AAGAB: variants seen among roughly 807,000 people sequenced by gnomAD.
The protein encoded by AAGAB is alpha and gamma adaptin binding protein, also known as alpha- and gamma-adaptin-binding protein p34.
AAGAB carries 38 observed loss-of-function variants against 44.1 expected under a neutral mutation model. That is an observed-to-expected ratio of 0.86 (90% CI 0.67 to 1.13). The LOEUF (loss-of-function observed/expected upper bound fraction) is 1.13, where lower values mean the gene tolerates loss of function less well. AAGAB is among the 50% of genes most tolerant of loss of function. The pLI is 0.00. For synonymous variants in AAGAB, 131 were observed against 131.8 expected (o/e 0.99, Z 0.04); for missense variants, 450 against 373.8 (o/e 1.20, Z -1.68).
upstream of AAGAB, chr15:67,255,147 AC>A: frequency 3.3e-6 from 2 of 612,440 alleles, no homozygotes; most frequent in South Asian, 3.9e-5. Context: ...CCTGTAGGTT[AC>A]GCCCCAGAAG....
chr15:67,211,549 G>A (rs1338359540), intron 5 of AAGAB, among the ~76,000 whole-genome samples: 1 of 152,180 alleles, frequency 6.6e-6, no homozygotes, highest in African/African-American at 2.4e-5. Flanking sequence ...GCTGTATGTA[G>A]TTATGTAATA....
chr15:67,253,272 G>C (rs1254320828), intron 1 of AAGAB, among the ~76,000 whole-genome samples: 2 of 146,290 alleles, frequency 1.4e-5, no homozygotes, highest in Non-Finnish European at 3.0e-5. Flanking sequence ...GGGGGGGGGG[G>C]GGGCAATTAG....
chr15:67,221,332 T>G (rs1373877125), intron 5 of AAGAB: 1 of 152,254 alleles, frequency 6.6e-6, no homozygotes, highest in East Asian at 1.9e-4. Flanking sequence ...ATCCTTTCCT[T>G]GTTTAAGTGC....
intron 4 of AAGAB, among the ~76,000 whole-genome samples, chr15:67,235,553 G>A (rs1443149957): frequency 1.3e-5 from 2 of 152,178 alleles, no homozygotes; most frequent in African/African-American, 2.4e-5. Flanking sequence ...GGCTTCAAAT[G>A]TCCAAAAGAC....
chr15:67,215,891 C>A (rs1963933401), intron 5 of AAGAB, among the ~76,000 whole-genome samples: 1 of 152,126 alleles, frequency 6.6e-6, no homozygotes, highest in Non-Finnish European at 1.5e-5. Flanking sequence ...ACTTTGAAAT[C>A]CATTATTAAA....
At chr15:67,229,215 C>T (rs1034387743) in intron 5 of AAGAB, among the ~76,000 whole-genome samples, 6 of 152,092 alleles carry the variant, frequency 3.9e-5, no homozygotes, top group African/African-American at 7.2e-5. Context: ...GGGCAGATCA[C>T]GAGGTCAAGA....
intron 5 of AAGAB, among the ~76,000 whole-genome samples, chr15:67,214,252 G>A (rs1405006243): frequency 6.6e-6 from 1 of 152,190 alleles, no homozygotes; most frequent in African/African-American, 2.4e-5. Context: ...TTTCACTGAA[G>A]TACGCTGAAT....
intron 5 of AAGAB, among the ~76,000 whole-genome samples, chr15:67,228,284 C>A (rs1452150056): frequency 1.3e-5 from 2 of 152,152 alleles, no homozygotes; most frequent in Admixed American, 6.5e-5. Flanking sequence ...TAATTTTATT[C>A]TAAATTGATC....
chr15:67,251,219 T>C (rs1332137985), intron 1 of AAGAB, among the ~76,000 whole-genome samples: 1 of 145,238 alleles, frequency 6.9e-6, no homozygotes, highest in South Asian at 2.3e-4. Flanking sequence ...TAAGTGCGTG[T>C]GTGTGTGTGT....
chr15:67,255,050 C>G, upstream of AAGAB: 1 of 1,114,644 alleles, frequency 9.0e-7, no homozygotes, highest in Non-Finnish European at 1.3e-6. Flanking sequence ...GGTGCGCCGC[C>G]CCTAGACTCC....
chr15:67,241,040 TACACAC>T (rs10525823), intron 1 of AAGAB, among the ~76,000 whole-genome samples: 69 of 147,146 alleles, frequency 4.7e-4, no homozygotes, highest in Middle Eastern at 3.4e-3. Context: ...TCTGTTCTCC[TACACAC>T]ACACACACAC....
rs371685408 is a variant in AAGAB at position 67,204,089 on chromosome 15, C to T, written c.775G>A (p.Val259Met). The change falls in exon 8 of 10, where the codon GTG becomes ATG. Residue 259 changes from valine to methionine, a missense_variant. Transcript: ENST00000261880. ...LASLTTGGGD[V>M]ENFERLFSKL... ...GAAAAGAGTCTTTCAAAATTCTCCA[C>T]ATCTCCTCCTCCAGTGGTAAGACTG... The T allele has an allele frequency of 6.2e-7, 1 of 1,612,744 alleles. No individual in the cohort carries two copies. The highest frequency in any genetic ancestry group is 8.5e-7 in the Non-Finnish European group (1 of 1,178,858).
At chr15:67,207,804 T>C (rs544414214) in intron 7 of AAGAB, among the ~76,000 whole-genome samples, 4 of 152,324 alleles carry the variant, frequency 2.6e-5, no homozygotes, top group South Asian at 2.1e-4. Context: ...AAGGATTCAA[T>C]TGAGAGGCTA....
chr15:67,253,983 C>T (rs12911370), intron 1 of AAGAB, among the ~76,000 whole-genome samples: 32,854 of 152,066 alleles, frequency 0.22, 4,217 homozygotes, highest in East Asian at 0.48. Context: ...TGAGGGTCTA[C>T]AAGCAAAAGC....
At chr15:67,251,886 G>A (rs529686987) in intron 1 of AAGAB, among the ~76,000 whole-genome samples, 1 of 152,208 alleles carries the variant, frequency 6.6e-6, no homozygotes, top group Non-Finnish European at 1.5e-5. Context: ...TCATTTTAAC[G>A]CTATCCACTG....
Position 67,201,228 on chromosome 15 carries a change from C to G in AAGAB, c.*1593G>C, listed in dbSNP as rs1397980117. On this transcript the variant is annotated 3_prime_UTR_variant, in exon 10 of 10. Coordinates refer to ENST00000261880, the MANE Select transcript of AAGAB (RefSeq NM_024666.5). Reference sequence around the variant, plus strand: ...GCCAACTTCCCTAATGCAATCACCTCAAAGAAACACTGATGGGCTGGTGGT... The same window carrying G: ...GCCAACTTCCCTAATGCAATCACCTGAAAGAAACACTGATGGGCTGGTGGT... 6.8e-6 allele frequency: 1 copy of G among 146,850 alleles called. No individual in the cohort carries two copies. The highest frequency in any genetic ancestry group is 1.9e-4 in the East Asian group (1 of 5,144). The allele number at this position is 146,850 out of a possible 1,614,324, so 9.1% of individuals were successfully genotyped here. A position where few individuals can be genotyped will look rare whatever the true frequency, so the allele number is the denominator to read the frequency against.
chr15:67,235,243 G>A (rs1218303279), intron 4 of AAGAB, among the ~76,000 whole-genome samples: 4 of 152,000 alleles, frequency 2.6e-5, no homozygotes, highest in East Asian at 3.9e-4. Context: ...TAAGCTCTCC[G>A]GTCTCTAAAA....
chr15:67,233,839 T>C (rs1420021203), intron 4 of AAGAB, among the ~76,000 whole-genome samples: 1 of 152,196 alleles, frequency 6.6e-6, no homozygotes, highest in Non-Finnish European at 1.5e-5. Context: ...ATATGCCCAT[T>C]GCCTACCACA....
intron 5 of AAGAB, among the ~76,000 whole-genome samples, chr15:67,216,455 A>G (rs1452449326): frequency 2.0e-5 from 3 of 148,312 alleles, no homozygotes; most frequent in African/African-American, 7.4e-5. Flanking sequence ...AAAAAAAAAA[A>G]AAAAAAAAAA....
Sources: gnomAD v4.1 joint callset for allele counts (sites outside exome capture counted in the v4.1 genomes callset) on GRCh38, gnomAD v4.1.1 for gene constraint, MANE v1.5 for transcripts, NCBI Gene and HGNC (gene_info 2026-07-23, HGNC 2026-07-21) for gene names.